Variants in MRTFA observed in about 807,000 individuals in gnomAD.
MRTFA encodes the protein myocardin-related transcription factor A.
Under a neutral mutation model 83.5 loss-of-function variants are expected in MRTFA, and 20 were observed. That is an observed-to-expected ratio of 0.24 (90% CI 0.17 to 0.35). The LOEUF is 0.35. Among genes scored for constraint, MRTFA ranks in the 10% least tolerant of loss-of-function variants. The pLI, the probability that MRTFA is intolerant of heterozygous loss-of-function variation, is 1.00. For synonymous variants in MRTFA, 659 were observed against 541.2 expected, an observed-to-expected ratio of 1.22 and a Z score of -3.02; for missense variants, 1,200 against 1,224.7, an observed-to-expected ratio of 0.98 and a Z score of 0.30.
At chr22:40,607,155 C>G (rs1223105113) in intron 1 of MRTFA, among the ~76,000 whole-genome samples, 3 of 152,092 alleles carry the variant, frequency 2.0e-5, no homozygotes, top group Admixed American at 6.6e-5. Context: ...ACCTCCTTGC[C>G]CTCAAAGCCC....
At chr22:40,564,878 C>A (rs1343186024) in intron 2 of MRTFA, among the ~76,000 whole-genome samples, 1 of 151,972 alleles carries the variant, frequency 6.6e-6, no homozygotes, top group Non-Finnish European at 1.5e-5. Context: ...CTCAAACTCC[C>A]GAGCTCAGGC....
chr22:40,620,765 C>A (rs980241947), intron 1 of MRTFA, among the ~76,000 whole-genome samples: 1 of 151,946 alleles, frequency 6.6e-6, no homozygotes, highest in Non-Finnish European at 1.5e-5. Context: ...CTATAGAGAA[C>A]CCTCTTGTCT....
chr22:40,592,797 A>C (rs1367617650), intron 2 of MRTFA, among the ~76,000 whole-genome samples: 2 of 152,094 alleles, frequency 1.3e-5, no homozygotes, highest in East Asian at 3.9e-4. Context: ...CCAGCCTGGT[A>C]ATTTCTTTAC....
At chr22:40,591,395 CAA>C (rs774585123) in intron 2 of MRTFA, among the ~76,000 whole-genome samples, 3 of 151,254 alleles carry the variant, frequency 2.0e-5, no homozygotes, top group Non-Finnish European at 4.4e-5. Context: ...ATAAAAATAA[CAA>C]AAGAGTGGTA....
Position 40,514,532 on chromosome 22 carries a change from T to G in MRTFA, c.241+37574A>C, listed in dbSNP as rs1213361458. ...CTCTGTCGCCCAGGCTGGAGTGCGA[T>G]GGCATGAACTTGGTGCACTGCAAGC... is the stretch of plus-strand genomic sequence containing the variant. On this transcript the variant is annotated intron_variant, in intron 3 of 14. Coordinates refer to ENST00000355630, the MANE Select transcript of MRTFA (RefSeq NM_020831.6). 3.3e-5 allele frequency among the ~76,000 whole-genome samples: 5 copies of G among 150,766 alleles called. No homozygotes were observed. In the East Asian group the frequency reaches 9.8e-4, roughly 30 times the overall value.
chr22:40,546,149 A>T (rs1194060106), intron 3 of MRTFA, among the ~76,000 whole-genome samples: 1 of 152,206 alleles, frequency 6.6e-6, no homozygotes, highest in East Asian at 1.9e-4. Context: ...CTAACTCTAG[A>T]ATTTATTCTG....
intron 3 of MRTFA, among the ~76,000 whole-genome samples, chr22:40,500,367 ATTT>A (rs1445573275): frequency 8.2e-6 from 1 of 122,520 alleles, no homozygotes; most frequent in Non-Finnish European, 1.7e-5. Context: ...TTAACATTTC[ATTT>A]TTTATTTTTT....
intron 3 of MRTFA, among the ~76,000 whole-genome samples, chr22:40,498,263 A>G (rs1232097495): frequency 1.1e-5 from 1 of 88,246 alleles, no homozygotes; most frequent in African/African-American, 5.1e-5. Context: ...ATATATATAT[A>G]TATATATATA....
At chr22:40,524,182 C>A (rs1232980031) in intron 3 of MRTFA, among the ~76,000 whole-genome samples, 2 of 152,126 alleles carry the variant, frequency 1.3e-5, no homozygotes, top group Non-Finnish European at 2.9e-5. Flanking sequence ...GCAGTCCCAG[C>A]TACTCAGGAA....
chr22:40,529,977 CAG>C (rs1162943201), intron 3 of MRTFA, among the ~76,000 whole-genome samples: 4 of 152,184 alleles, frequency 2.6e-5, no homozygotes, highest in Non-Finnish European at 4.4e-5. Flanking sequence ...ATGCACAAGA[CAG>C]AGAGAGAAAA....
At chr22:40,503,918 T>C (rs1273792741) in intron 3 of MRTFA, among the ~76,000 whole-genome samples, 4 of 150,738 alleles carry the variant, frequency 2.7e-5, no homozygotes, top group Non-Finnish European at 5.9e-5. Context: ...CAAGACTGTC[T>C]CAAGTTTAAA....
At chr22:40,541,412 C>T (rs542698776) in intron 3 of MRTFA, among the ~76,000 whole-genome samples, 6 of 152,220 alleles carry the variant, frequency 3.9e-5, no homozygotes, top group East Asian at 3.9e-4. Flanking sequence ...AGTCATCATA[C>T]CCAAATGTCA....
chr22:40,488,632 G>A (rs1381785028), intron 3 of MRTFA, among the ~76,000 whole-genome samples: 1 of 152,086 alleles, frequency 6.6e-6, no homozygotes, highest in Non-Finnish European at 1.5e-5. Context: ...AGGAGTTCGA[G>A]ACCAGCCTGG....
intron 1 of MRTFA, among the ~76,000 whole-genome samples, chr22:40,619,556 G>T (rs2056494290): frequency 6.6e-6 from 1 of 152,118 alleles, no homozygotes; most frequent in Non-Finnish European, 1.5e-5. Flanking sequence ...GTTATTTGCA[G>T]TAAAACATAA....
chr22:40,550,856 T>C (rs1458434209), intron 3 of MRTFA, among the ~76,000 whole-genome samples: 3 of 149,956 alleles, frequency 2.0e-5, no homozygotes, highest in Non-Finnish European at 4.4e-5. Flanking sequence ...TTTTTTCTTT[T>C]TTTTTTTTTT....
intron 3 of MRTFA, among the ~76,000 whole-genome samples, chr22:40,521,421 G>C (rs1602376524): frequency 6.6e-6 from 1 of 151,952 alleles, no homozygotes. Context: ...AGTCATTCAG[G>C]GTGTTTTATT....
chr22:40,590,122 A>C (rs2056098333), intron 2 of MRTFA, among the ~76,000 whole-genome samples: 1 of 152,000 alleles, frequency 6.6e-6, no homozygotes, highest in African/African-American at 2.4e-5. Flanking sequence ...TCCACATAAT[A>C]CTCAATTTTT....
chr22:40,617,824 G>T (rs1325233715), intron 1 of MRTFA, among the ~76,000 whole-genome samples: 1 of 151,968 alleles, frequency 6.6e-6, no homozygotes, highest in African/African-American at 2.4e-5. Flanking sequence ...CACTTGAGAG[G>T]TAAAATAAGA....
chr22:40,422,200 A>C (rs778201081), intron 9 of MRTFA, among the ~76,000 whole-genome samples: 2 of 152,070 alleles, frequency 1.3e-5, no homozygotes, highest in Non-Finnish European at 2.9e-5. Flanking sequence ...CCCCCAATTA[A>C]AGGGAGGAGG....
Sources: allele counts gnomAD v4.1 joint callset (sites outside exome capture counted in the v4.1 genomes callset), GRCh38; gene constraint gnomAD v4.1.1; transcripts MANE v1.5; gene names NCBI Gene and HGNC (gene_info 2026-07-23, HGNC 2026-07-21).